The following OPCML variants were observed in gnomAD, a reference collection of about 807,000 sequenced individuals.
OPCML encodes the protein opioid-binding protein/cell adhesion molecule.
In OPCML, 13 loss-of-function variants were observed where a neutral mutation model predicts 37.8. The ratio of observed to expected loss-of-function variants is 0.34; its 90% confidence interval spans 0.22 to 0.55. The LOEUF is 0.55. Among genes scored for constraint, OPCML ranks in the 20% least tolerant of loss-of-function variants. The pLI is 0.91. For synonymous variants in OPCML, 176 were observed against 168.8 expected (o/e 1.04, Z -0.33); for missense variants, 341 against 435.6 (o/e 0.78, Z 1.93).
chr11:133,045,443 A>C (rs1947988733), intron 1 of OPCML, among the ~76,000 whole-genome samples: 1 of 152,208 alleles, frequency 6.6e-6, no homozygotes, highest in African/African-American at 2.4e-5. Flanking sequence ...CTTCCAAAGC[A>C]CAAGGTATCT....
rs558720526 is a variant in OPCML at position 132,691,192 on chromosome 11, T to A, written c.147-33873A>T. Among the ~76,000 whole-genome samples, 4 of 152,338 alleles carry A rather than the reference T, an allele frequency of 2.6e-5. No individual in the cohort carries two copies. The South Asian group carries it at 8.3e-4, about 32-fold the overall frequency. On this transcript the variant is annotated intron_variant, in intron 2 of 7. Coordinates refer to ENST00000524381, the MANE Select transcript of OPCML (RefSeq NM_001012393.5). ...TAAGATTGCTTTATATATTAGATAA[T>A]GTATACTTGAAAAACATTTGACTAT...
intron 2 of OPCML, among the ~76,000 whole-genome samples, chr11:132,854,237 G>C (rs886737544): frequency 1.3e-5 from 2 of 152,206 alleles, no homozygotes; most frequent in African/African-American, 4.8e-5. Context: ...GAGAGGTTCA[G>C]GAGGATCCCA....
intron 1 of OPCML, among the ~76,000 whole-genome samples, chr11:133,092,545 T>C (rs989699657): frequency 1.3e-5 from 2 of 151,884 alleles, no homozygotes; most frequent in East Asian, 1.9e-4. Flanking sequence ...GCCAATATGG[T>C]GAAACCCCTG....
intron 1 of OPCML, among the ~76,000 whole-genome samples, chr11:133,335,173 C>T (rs985197472): frequency 6.6e-6 from 1 of 152,158 alleles, no homozygotes; most frequent in African/African-American, 2.4e-5. Context: ...GGTTGAGAAC[C>T]TCAGCTTTAA....
Position 133,151,914 on chromosome 11 carries a change from G to C in OPCML, c.62-208904C>G, listed in dbSNP as rs150151368. ...CAAGACACCTGGGACTCCTCAGAGT[G>C]CCTTGGCAGGATCCCCCAGGAAGAG... On this transcript the variant is annotated intron_variant, in intron 1 of 7. Transcript: ENST00000524381. Among the ~76,000 whole-genome samples, 844 of 152,340 alleles carry C rather than the reference G, an allele frequency of 5.5e-3. 6 individuals are homozygous for C. The highest frequency in any genetic ancestry group is 0.019 in the African/African-American group (783 of 41,574).
intron 1 of OPCML, among the ~76,000 whole-genome samples, chr11:133,370,886 CT>C (rs1361341190): frequency 2.0e-5 from 3 of 152,240 alleles, no homozygotes; most frequent in East Asian, 3.9e-4. Flanking sequence ...AAGAGACAAC[CT>C]TTTGAATGGA....
chr11:132,782,571 G>A (rs1947068734), intron 2 of OPCML, among the ~76,000 whole-genome samples: 1 of 151,988 alleles, frequency 6.6e-6, no homozygotes, highest in Non-Finnish European at 1.5e-5. Context: ...TTCTTTTTTG[G>A]TCCCGCTTTT....
intron 4 of OPCML, among the ~76,000 whole-genome samples, chr11:132,454,640 T>C (rs2096076906): frequency 6.6e-6 from 1 of 152,160 alleles, no homozygotes; most frequent in Non-Finnish European, 1.5e-5. Flanking sequence ...AGCAGCCATG[T>C]TGAATAGGGT....
In OPCML at chr11:132,636,690, C is replaced by G. The variant is rs542111845; in HGVS notation, c.379+20397G>C. ...AATTTTCTTGACACTTCATTCAACCCCTTCAGGACCTATGGTGATAAAGCA... is the reference window on the plus strand; with the variant it reads ...AATTTTCTTGACACTTCATTCAACCGCTTCAGGACCTATGGTGATAAAGCA... On this transcript the variant is annotated intron_variant, in intron 3 of 7. Coordinates refer to ENST00000524381, the MANE Select transcript of OPCML (RefSeq NM_001012393.5). Among the ~76,000 whole-genome samples, 78 of 152,246 alleles carry G rather than the reference C, an allele frequency of 5.1e-4. No homozygotes were observed. In the South Asian group the frequency reaches 0.016, roughly 32 times the overall value.
intron 2 of OPCML, among the ~76,000 whole-genome samples, chr11:132,794,007 GT>G (rs1938128918): frequency 6.6e-6 from 1 of 152,240 alleles, no homozygotes; most frequent in Admixed American, 6.5e-5. Flanking sequence ...TCAGGCACCA[GT>G]TTCCACTCAT....
intron 3 of OPCML, among the ~76,000 whole-genome samples, chr11:132,656,851 A>T (rs182368187): frequency 6.6e-6 from 1 of 152,332 alleles, no homozygotes; most frequent in Non-Finnish European, 1.5e-5. Context: ...CATGTTACAC[A>T]ACGTATTGAT....
chr11:132,873,175 T>A (rs1591735301), intron 2 of OPCML, among the ~76,000 whole-genome samples: 1 of 152,250 alleles, frequency 6.6e-6, no homozygotes, highest in South Asian at 2.1e-4. Context: ...AACCAATAGA[T>A]CTCCTCAGTC....
intron 4 of OPCML, among the ~76,000 whole-genome samples, chr11:132,459,423 AC>A (rs2096093193): frequency 6.7e-6 from 1 of 148,328 alleles, no homozygotes. Flanking sequence ...ATACATACAT[AC>A]ATACATACAT....
At chr11:133,127,124 C>A (rs1949529360) in intron 1 of OPCML, among the ~76,000 whole-genome samples, 2 of 152,148 alleles carry the variant, frequency 1.3e-5, no homozygotes, top group South Asian at 4.2e-4. Context: ...CCCTTTCCCT[C>A]TTTTGATCCA....
chr11:133,108,515 G>A (rs1465341486), intron 1 of OPCML, among the ~76,000 whole-genome samples: 3 of 152,052 alleles, frequency 2.0e-5, no homozygotes, highest in African/African-American at 7.2e-5. Flanking sequence ...AATGTCGTGC[G>A]CTAGAGCTTT....
intron 2 of OPCML, among the ~76,000 whole-genome samples, chr11:132,890,938 T>C (rs1943623141): frequency 6.6e-6 from 1 of 151,842 alleles, no homozygotes; most frequent in Non-Finnish European, 1.5e-5. Context: ...CAGAGCTTGA[T>C]GAGCTCAGCA....
At chr11:133,522,313 G>T (rs961256810) in intron 1 of OPCML, among the ~76,000 whole-genome samples, 1 of 152,142 alleles carries the variant, frequency 6.6e-6, no homozygotes, top group Non-Finnish European at 1.5e-5. Context: ...TACCTGTCAT[G>T]GTGCGTAGAC....
At chr11:133,133,233 T>C (rs1365182923) in intron 1 of OPCML, among the ~76,000 whole-genome samples, 1 of 152,268 alleles carries the variant, frequency 6.6e-6, no homozygotes, top group East Asian at 1.9e-4. Flanking sequence ...CTCAGGCCCC[T>C]GGGTGGCAGG....
chr11:133,332,850 G>A (rs755518417), intron 1 of OPCML, among the ~76,000 whole-genome samples: 4 of 152,034 alleles, frequency 2.6e-5, no homozygotes, highest in Non-Finnish European at 5.9e-5. Flanking sequence ...GCTGGATTTG[G>A]TTTGCAAGTA....
Sources: gnomAD v4.1 joint callset for allele counts (sites outside exome capture counted in the v4.1 genomes callset) on GRCh38, gnomAD v4.1.1 for gene constraint, MANE v1.5 for transcripts, NCBI Gene and HGNC (gene_info 2026-07-23, HGNC 2026-07-21) for gene names.